DYNLL1: variants seen among roughly 807,000 people sequenced by gnomAD.
DYNLL1 encodes the protein dynein light chain 1, cytoplasmic.
A neutral mutation model predicts 10.1 loss-of-function variants in DYNLL1; 3 were observed. The observed-to-expected ratio is 0.30, with a 90% CI of 0.14 to 0.77. DYNLL1 has a LOEUF of 0.77. Ranked by LOEUF, DYNLL1 falls within the 30% of genes least tolerant of loss-of-function variation. The pLI is 0.66. For synonymous variants in DYNLL1, 46 were observed against 41.2 expected (o/e 1.12, Z -0.45); for missense variants, 47 against 111.7 (o/e 0.42, Z 2.61).
upstream of DYNLL1, chr12:120,491,347 C>CCTTCT (rs1879122760): frequency 9.5e-6 from 1 of 104,814 alleles, no homozygotes; most frequent in Non-Finnish European, 2.1e-5. Flanking sequence ...CACTGCCAGC[C>CCTTCT]CCAGGCTGGT....
intron 1 of DYNLL1, 22 bp downstream of exon 1, chr12:120,496,238 G>T: frequency 1.1e-6 from 1 of 874,948 alleles, no homozygotes; most frequent in East Asian, 2.7e-5. Context: ...GGGGGGCCAG[G>T]GGGTGTCCTC....
chr12:120,474,357 A>G (rs564392561), intron 1 of DYNLL1, among the ~76,000 whole-genome samples: 1 of 151,984 alleles, frequency 6.6e-6, no homozygotes, highest in South Asian at 2.1e-4. Context: ...ATGTTGGCAG[A>G]CTATTAAGAA....
chr12:120,487,542 T>C (rs192052968), intron 1 of DYNLL1, among the ~76,000 whole-genome samples: 1 of 152,096 alleles, frequency 6.6e-6, no homozygotes, highest in Non-Finnish European at 1.5e-5. Flanking sequence ...AGGAGAATCA[T>C]TTATTGAGTG....
chr12:120,478,809 C>T (rs567377599), intron 1 of DYNLL1, among the ~76,000 whole-genome samples: 3 of 150,440 alleles, frequency 2.0e-5, no homozygotes, highest in South Asian at 4.3e-4. Context: ...CCCAGCCTCC[C>T]GAGTAGATGG....
At chr12:120,494,290 C>CTT (rs550901143), upstream of DYNLL1, among the ~76,000 whole-genome samples, 4 of 141,654 alleles carry the variant, frequency 2.8e-5, no homozygotes, top group Non-Finnish European at 1.5e-5. Context: ...CATTTTTTTC[C>CTT]TTTTTTTTTT....
chr12:120,476,992 C>T (rs1488178323), intron 1 of DYNLL1, among the ~76,000 whole-genome samples: 2 of 151,718 alleles, frequency 1.3e-5, no homozygotes, highest in Non-Finnish European at 2.9e-5. Context: ...TGCAGTGGCA[C>T]GATCTTGGCT....
At position 120,498,356 on chromosome 12, in the gene DYNLL1, C is replaced by T; in HGVS notation, c.*146C>T. On this transcript the variant is annotated 3_prime_UTR_variant, in exon 3 of 3. Coordinates refer to ENST00000242577, the MANE Select transcript of DYNLL1 (RefSeq NM_003746.3). ...TTTGTTGTGTTTTGTACAGGGCATT[C>T]TCTGTACTAGTTTGTCGTGGTTATA... The T allele has an allele frequency of 5.3e-6, 5 of 944,248 alleles. No individual in the cohort carries two copies. Among genetic ancestry groups the T allele is most frequent in the Non-Finnish European group, 7.6e-6 (5 of 661,322 alleles). The allele number at this position is 944,248 out of a possible 1,614,324, so 58.5% of individuals were successfully genotyped here. A position where few individuals can be genotyped will look rare whatever the true frequency, so the allele number is the denominator to read the frequency against.
At chr12:120,496,756 T>TA in intron 2 of DYNLL1, 1 of 747,180 alleles carries the variant, frequency 1.3e-6, no homozygotes, top group East Asian at 2.7e-5. Flanking sequence ...TTTTTTTTTT[T>TA]TTTTAATTAC....
intron 1 of DYNLL1, among the ~76,000 whole-genome samples, chr12:120,484,761 C>G (rs1593001526): frequency 7.0e-6 from 1 of 141,936 alleles, no homozygotes; most frequent in Admixed American, 7.5e-5. Context: ...TTTTTTGAGA[C>G]GGAGTCTCAC....
intron 1 of DYNLL1, among the ~76,000 whole-genome samples, chr12:120,474,629 T>C (rs1280236538): frequency 6.6e-6 from 1 of 152,206 alleles, no homozygotes; most frequent in Non-Finnish European, 1.5e-5. Context: ...TAAAACATGC[T>C]GCAAACCTGC....
At chr12:120,469,893 C>T (rs1406594715) in exon 1 of DYNLL1, 1 of 227,430 alleles carries the variant, frequency 4.4e-6, no homozygotes, top group Admixed American at 5.7e-5. Flanking sequence ...GATGCCATCC[C>T]CGAGCGCGGT....
At chr12:120,490,208 C>T (rs775362829) in intron 1 of DYNLL1, 2 of 152,208 alleles carry the variant, frequency 1.3e-5, no homozygotes, top group African/African-American at 2.4e-5. Context: ...ACCTAGCTCT[C>T]GCTCAGAAAT....
At chr12:120,486,197 C>T (rs1481659036) in intron 1 of DYNLL1, among the ~76,000 whole-genome samples, 2 of 151,992 alleles carry the variant, frequency 1.3e-5, no homozygotes, top group African/African-American at 2.4e-5. Context: ...TTATATGAGC[C>T]GAAATGGAAA....
At chr12:120,485,634 G>A (rs1593001959) in intron 1 of DYNLL1, among the ~76,000 whole-genome samples, 1 of 151,906 alleles carries the variant, frequency 6.6e-6, no homozygotes, top group Admixed American at 6.6e-5. Flanking sequence ...GAGCCCAGGA[G>A]TTTGAGACCA....
intron 1 of DYNLL1, among the ~76,000 whole-genome samples, chr12:120,481,287 T>A (rs1329757102): frequency 6.6e-6 from 1 of 152,064 alleles, no homozygotes. Context: ...CCTCTGAAAA[T>A]TCTATTCAGT....
chr12:120,475,680 ATTAACT>A (rs1440498928), intron 1 of DYNLL1, among the ~76,000 whole-genome samples: 2 of 152,152 alleles, frequency 1.3e-5, no homozygotes, highest in Admixed American at 6.5e-5. Flanking sequence ...TTTAACAATA[ATTAACT>A]TTAATTGTAA....
intron 1 of DYNLL1, among the ~76,000 whole-genome samples, chr12:120,477,595 T>A (rs945095111): frequency 2.6e-5 from 4 of 151,326 alleles, no homozygotes; most frequent in Non-Finnish European, 4.4e-5. Flanking sequence ...ACAAAAAAAA[T>A]AAATAAATAA....
At chr12:120,479,468 A>ATAAT (rs1272081996) in intron 1 of DYNLL1, among the ~76,000 whole-genome samples, 15 of 109,598 alleles carry the variant, frequency 1.4e-4, no homozygotes, top group African/African-American at 4.8e-4. Context: ...AAAAAAAAAA[A>ATAAT]AATAATAATA....
intron 1 of DYNLL1, among the ~76,000 whole-genome samples, chr12:120,479,462 A>ATAAT (rs1555221132): frequency 3.0e-5 from 4 of 133,174 alleles, no homozygotes; most frequent in African/African-American, 1.1e-4. Flanking sequence ...AAAAAAAAAA[A>ATAAT]AAAAAAAATA....
Sources: allele counts gnomAD v4.1 joint callset (sites outside exome capture counted in the v4.1 genomes callset), GRCh38; gene constraint gnomAD v4.1.1; transcripts MANE v1.5; gene names NCBI Gene and HGNC (gene_info 2026-07-23, HGNC 2026-07-21).